RAP1A: variants seen among roughly 807,000 people sequenced by gnomAD.
The protein encoded by RAP1A is ras-related protein Rap-1A.
In RAP1A, 6 loss-of-function variants were observed where a neutral mutation model predicts 26.4. The observed-to-expected ratio is 0.23, with a 90% CI of 0.12 to 0.45. RAP1A has a LOEUF of 0.45. Among genes scored for constraint, RAP1A ranks in the 20% least tolerant of loss-of-function variants. The pLI is 0.99. For synonymous variants in RAP1A, 73 were observed against 79.4 expected, an observed-to-expected ratio of 0.92 and a Z score of 0.43; for missense variants, 121 against 217.2, an observed-to-expected ratio of 0.56 and a Z score of 2.78.
At chr1:111,696,408 T>C (rs1003445889) in intron 3 of RAP1A, among the ~76,000 whole-genome samples, 2 of 152,188 alleles carry the variant, frequency 1.3e-5, no homozygotes, top group African/African-American at 2.4e-5. Flanking sequence ...AGAATTATGC[T>C]CTAGATACAT....
At chr1:111,680,390 G>A (rs935848849) in intron 1 of RAP1A, among the ~76,000 whole-genome samples, 22 of 152,164 alleles carry the variant, frequency 1.4e-4, no homozygotes, top group African/African-American at 4.8e-4. Context: ...AATGCTGGTT[G>A]GTGCATTTAC....
At chr1:111,580,066 G>A (rs1658223692) in intron 1 of RAP1A, among the ~76,000 whole-genome samples, 1 of 152,150 alleles carries the variant, frequency 6.6e-6, no homozygotes. Context: ...AAAGTGCTAG[G>A]ATTACAGGTG....
At chr1:111,559,302 G>T (rs1015518965) in intron 1 of RAP1A, among the ~76,000 whole-genome samples, 1 of 152,072 alleles carries the variant, frequency 6.6e-6, no homozygotes, top group Non-Finnish European at 1.5e-5. Context: ...CAGATTCAAA[G>T]AATTGGAAGG....
chr1:111,692,631 G>C (rs1209959953), intron 2 of RAP1A, among the ~76,000 whole-genome samples: 1 of 152,228 alleles, frequency 6.6e-6, no homozygotes, highest in East Asian at 1.9e-4. Flanking sequence ...GGCTAGTTAA[G>C]TAAATTTTAA....
intron 1 of RAP1A, among the ~76,000 whole-genome samples, chr1:111,593,099 G>A (rs899331274): frequency 5.9e-5 from 9 of 152,134 alleles, no homozygotes; most frequent in African/African-American, 1.9e-4. Flanking sequence ...GCGGGGAGCC[G>A]GGTTGTGTTG....
At chr1:111,584,650 C>A (rs972344985) in intron 1 of RAP1A, among the ~76,000 whole-genome samples, 1 of 152,070 alleles carries the variant, frequency 6.6e-6, no homozygotes, top group Non-Finnish European at 1.5e-5. Flanking sequence ...ATAAAAGGAG[C>A]CGAAGAAACA....
At chr1:111,626,400 C>CACAT (rs1491247354) in intron 1 of RAP1A, among the ~76,000 whole-genome samples, 2 of 138,456 alleles carry the variant, frequency 1.4e-5, no homozygotes, top group Non-Finnish European at 3.2e-5. Flanking sequence ...CACACACACA[C>CACAT]ATATGCATGT....
At chr1:111,588,507 T>C (rs536987848) in intron 1 of RAP1A, among the ~76,000 whole-genome samples, 19 of 152,200 alleles carry the variant, frequency 1.2e-4, no homozygotes, top group South Asian at 4.1e-4. Flanking sequence ...TCCCCCATGA[T>C]ACGCCCCTGC....
upstream of RAP1A, among the ~76,000 whole-genome samples, chr1:111,617,493 C>T (rs1264588010): frequency 3.3e-5 from 5 of 152,194 alleles, no homozygotes; most frequent in Admixed American, 6.5e-5. Flanking sequence ...AGTGCAGTGG[C>T]GCGATCTCGG....
intron 6 of RAP1A, among the ~76,000 whole-genome samples, chr1:111,704,698 T>TA (rs1401016581): frequency 6.6e-5 from 10 of 152,202 alleles, no homozygotes; most frequent in Non-Finnish European, 1.5e-5. Context: ...TACCTTATTG[T>TA]AAAAGAGGAA....
intron 1 of RAP1A, among the ~76,000 whole-genome samples, chr1:111,598,800 G>A (rs956989201): frequency 3.5e-4 from 53 of 152,218 alleles, no homozygotes; most frequent in Admixed American, 3.3e-3. Context: ...TCTACCTGGC[G>A]ATAGCAGTAG....
chr1:111,558,200 C>G (rs1657581165), intron 1 of RAP1A, among the ~76,000 whole-genome samples: 1 of 152,070 alleles, frequency 6.6e-6, no homozygotes, highest in Admixed American at 6.6e-5. Context: ...TGTTTTGAGA[C>G]AGGGTCTTAC....
intron 1 of RAP1A, among the ~76,000 whole-genome samples, chr1:111,596,081 G>A (rs544869461): frequency 6.6e-6 from 1 of 152,264 alleles, no homozygotes; most frequent in Admixed American, 6.5e-5. Context: ...ACATTATGCT[G>A]CCTCCCTTGT....
chr1:111,699,461 C>CTT (rs1553227863), intron 4 of RAP1A, among the ~76,000 whole-genome samples: 1 of 73,022 alleles, frequency 1.4e-5, no homozygotes, highest in African/African-American at 5.2e-5. Context: ...ATCTCACTTC[C>CTT]TCTTTTTTTT....
At chr1:111,700,279 G>A (rs1480715606) in intron 4 of RAP1A, among the ~76,000 whole-genome samples, 1 of 152,202 alleles carries the variant, frequency 6.6e-6, no homozygotes, top group Non-Finnish European at 1.5e-5. Context: ...AAGAAAAGAG[G>A]TTTAATTGGC....
intron 1 of RAP1A, among the ~76,000 whole-genome samples, chr1:111,623,480 C>T (rs1404928166): frequency 2.0e-5 from 3 of 152,130 alleles, no homozygotes; most frequent in African/African-American, 4.8e-5. Flanking sequence ...GATCTTGGCT[C>T]ACTGCAACCT....
At chr1:111,609,722 G>A (rs1336817870) in intron 1 of RAP1A, among the ~76,000 whole-genome samples, 3 of 152,094 alleles carry the variant, frequency 2.0e-5, no homozygotes, top group Non-Finnish European at 4.4e-5. Flanking sequence ...TGCAACCTCC[G>A]CCTCCTGAGT....
chr1:111,647,497 T>G (rs1282631287), intron 1 of RAP1A, among the ~76,000 whole-genome samples: 1 of 152,210 alleles, frequency 6.6e-6, no homozygotes, highest in African/African-American at 2.4e-5. Flanking sequence ...TCCATGAAAC[T>G]GGTTCTGCCA....
chr1:111,605,750 T>C (rs1658758195), intron 1 of RAP1A, among the ~76,000 whole-genome samples: 1 of 152,230 alleles, frequency 6.6e-6, no homozygotes, highest in Admixed American at 6.5e-5. Flanking sequence ...GCTGAAGTCA[T>C]GTCAGCAGTC....
Sources: allele counts gnomAD v4.1 joint callset (sites outside exome capture counted in the v4.1 genomes callset), GRCh38; gene constraint gnomAD v4.1.1; transcripts MANE v1.5; gene names NCBI Gene and HGNC (gene_info 2026-07-23, HGNC 2026-07-21).